Variants in BMP6 observed in about 807,000 individuals in gnomAD.
The protein encoded by BMP6 is bone morphogenetic protein 6, also known as VG-1-R.
A neutral mutation model predicts 54.1 loss-of-function variants in BMP6; 17 were observed. That is an observed-to-expected ratio of 0.31 (90% CI 0.22 to 0.47). BMP6 has a LOEUF of 0.47. BMP6 is among the 20% of genes least tolerant of loss of function. BMP6 has a pLI of 1.00. For synonymous variants in BMP6, 328 were observed against 291.2 expected, an observed-to-expected ratio of 1.13 and a Z score of -1.28; for missense variants, 720 against 690.4, an observed-to-expected ratio of 1.04 and a Z score of -0.48.
At chr6:7,746,126 A>C (rs1407256840) in intron 1 of BMP6, among the ~76,000 whole-genome samples, 2 of 152,126 alleles carry the variant, frequency 1.3e-5, no homozygotes, top group African/African-American at 4.8e-5. Context: ...CATCAGGGGC[A>C]GTGTTGATTC....
rs573779394 is a variant in BMP6, at chr6:7,867,351, C to T, written c.1204+4853C>T. ...TTGGGACTATTCAATAGGCTTTCAG[C>T]GTAAATTAACCAGGAGTCATCTCTT... On this transcript the variant is annotated intron_variant, in intron 4 of 6. Transcript: ENST00000283147. 9.8e-5 allele frequency among the ~76,000 whole-genome samples: 15 copies of T among 152,316 alleles called. No individual in the cohort carries two copies. The East Asian group carries it at 1.5e-3, about 16-fold the overall frequency.
chr6:7,788,246 T>C (rs1758045901), intron 1 of BMP6, among the ~76,000 whole-genome samples: 1 of 152,226 alleles, frequency 6.6e-6, no homozygotes, highest in Admixed American at 6.5e-5. Flanking sequence ...TGGTAGTAAT[T>C]ATTTGAGGGC....
intron 1 of BMP6, among the ~76,000 whole-genome samples, chr6:7,740,747 C>T (rs988173362): frequency 3.9e-5 from 6 of 152,214 alleles, no homozygotes; most frequent in Non-Finnish European, 5.9e-5. Flanking sequence ...TTTGCCCTCT[C>T]GCCCACATCA....
intron 1 of BMP6, among the ~76,000 whole-genome samples, chr6:7,743,337 G>A (rs568087241): frequency 4.3e-4 from 65 of 152,312 alleles, no homozygotes; most frequent in African/African-American, 1.5e-3. Context: ...AGGTTAATGT[G>A]TCTTGACAAT....
At chr6:7,818,752 A>G (rs1758565313) in intron 1 of BMP6, among the ~76,000 whole-genome samples, 2 of 152,204 alleles carry the variant, frequency 1.3e-5, no homozygotes, top group South Asian at 4.1e-4. Context: ...ATGTGTAGCC[A>G]CCTACAATCT....
chr6:7,729,123 T>G (rs1761804073), intron 1 of BMP6, among the ~76,000 whole-genome samples: 1 of 152,170 alleles, frequency 6.6e-6, no homozygotes, highest in Admixed American at 6.5e-5. Flanking sequence ...TTTCACAATT[T>G]ATTGGAACCA....
chr6:7,792,526 G>A (rs1758126008), intron 1 of BMP6, among the ~76,000 whole-genome samples: 2 of 152,150 alleles, frequency 1.3e-5, no homozygotes, highest in Non-Finnish European at 2.9e-5. Context: ...CCTAATGGCT[G>A]CATAAAATAG....
chr6:7,876,126 G>T (rs908355173), intron 4 of BMP6, among the ~76,000 whole-genome samples: 1 of 152,116 alleles, frequency 6.6e-6, no homozygotes, highest in Non-Finnish European at 1.5e-5. Flanking sequence ...CCAAAAGCTG[G>T]GTAGCAAAAG....
intron 1 of BMP6, among the ~76,000 whole-genome samples, chr6:7,738,098 T>C (rs1427444683): frequency 6.6e-6 from 1 of 152,196 alleles, no homozygotes; most frequent in Non-Finnish European, 1.5e-5. Context: ...TTCCAAAATG[T>C]TCTGCAAGAA....
chr6:7,870,681 G>A (rs1759510490), intron 4 of BMP6, among the ~76,000 whole-genome samples: 1 of 152,158 alleles, frequency 6.6e-6, no homozygotes, highest in Non-Finnish European at 1.5e-5. Flanking sequence ...AGACTGGAGT[G>A]CAGTGGCACA....
intron 1 of BMP6, among the ~76,000 whole-genome samples, chr6:7,733,197 C>T (rs968760746): frequency 1.3e-5 from 2 of 152,192 alleles, no homozygotes; most frequent in African/African-American, 4.8e-5. Flanking sequence ...CACGCCACTG[C>T]GTCCGGCCAG....
At chr6:7,842,159 A>G (rs535040973) in intron 1 of BMP6, among the ~76,000 whole-genome samples, 2 of 152,116 alleles carry the variant, frequency 1.3e-5, no homozygotes, top group South Asian at 2.1e-4. Context: ...CCCCCAAAAC[A>G]TAGTGGTTTA....
chr6:7,739,103 AAAT>A (rs1762004472), intron 1 of BMP6, among the ~76,000 whole-genome samples: 3 of 152,182 alleles, frequency 2.0e-5, no homozygotes, highest in South Asian at 2.1e-4. Context: ...TGATTTTGGG[AAAT>A]AATAATAAAA....
intron 1 of BMP6, among the ~76,000 whole-genome samples, chr6:7,792,063 C>A (rs1758117172): frequency 6.6e-6 from 1 of 152,090 alleles, no homozygotes; most frequent in African/African-American, 2.4e-5. Context: ...AATCTTGAGG[C>A]TGACAATTCA....
chr6:7,844,603 A>AC (rs1276341624), intron 1 of BMP6, among the ~76,000 whole-genome samples: 4 of 149,814 alleles, frequency 2.7e-5, no homozygotes, highest in African/African-American at 9.8e-5. Context: ...TGCTTTGCCC[A>AC]CCCCCCTTCC....
At chr6:7,856,203 T>A (rs1759230443) in intron 2 of BMP6, among the ~76,000 whole-genome samples, 1 of 151,528 alleles carries the variant, frequency 6.6e-6, no homozygotes, top group South Asian at 2.1e-4. Flanking sequence ...TATGTGTACA[T>A]GTATGCAGCA....
intron 1 of BMP6, among the ~76,000 whole-genome samples, chr6:7,807,018 C>T (rs1164801619): frequency 6.6e-6 from 1 of 152,214 alleles, no homozygotes; most frequent in Non-Finnish European, 1.5e-5. Flanking sequence ...TCTCTGCTAT[C>T]CCATTTCAAT....
chr6:7,805,600 TAG>T (rs1758335394), intron 1 of BMP6, among the ~76,000 whole-genome samples: 1 of 152,168 alleles, frequency 6.6e-6, no homozygotes, highest in Admixed American at 6.5e-5. Context: ...TCTACCCCAT[TAG>T]AGTTTCATAG....
In BMP6 at chr6:7,819,053, AAG is replaced by A. The variant is rs201165522; in HGVS notation, c.665-26086_665-26085del. 7.8e-3 allele frequency among the ~76,000 whole-genome samples: 1,194 copies of A among 152,292 alleles called. 13 individuals carry two copies. The highest frequency in any genetic ancestry group is 0.027 in the African/African-American group (1,129 of 41,556). On this transcript the variant is annotated intron_variant, in intron 1 of 6. Coordinates refer to ENST00000283147, the MANE Select transcript of BMP6 (RefSeq NM_001718.6). ...GAATGTGAAAATTGGCTGGAGCAGA[AAG>A]GGGGAAAAAGACAAGCTGCAATGTG... is the stretch of plus-strand genomic sequence containing the variant.
Sources: allele counts gnomAD v4.1 joint callset (sites outside exome capture counted in the v4.1 genomes callset), GRCh38; gene constraint gnomAD v4.1.1; transcripts MANE v1.5; gene names NCBI Gene and HGNC (gene_info 2026-07-23, HGNC 2026-07-21).